Variants in PLEKHH2 observed in about 807,000 individuals in gnomAD.
PLEKHH2 encodes the protein pleckstrin homology domain-containing family H member 2.
Under a neutral mutation model 187.9 loss-of-function variants are expected in PLEKHH2, and 129 were observed. The observed-to-expected ratio is 0.69, with a 90% CI of 0.59 to 0.79. The LOEUF is 0.79. PLEKHH2 is among the 30% of genes least tolerant of loss of function. The pLI, the probability that PLEKHH2 is intolerant of heterozygous loss-of-function variation, is 0.00. For missense variants in PLEKHH2, 2,076 were observed against 1,751.2 expected (o/e 1.19, Z -3.31); for synonymous variants, 686 against 605.6 (o/e 1.13, Z -1.95).
At chr2:43,643,244 G>C (rs942642724) in intron 1 of PLEKHH2, among the ~76,000 whole-genome samples, 1 of 152,064 alleles carries the variant, frequency 6.6e-6, no homozygotes, top group Non-Finnish European at 1.5e-5. Flanking sequence ...AATGGGGCAA[G>C]GATTCTATGA....
intron 2 of PLEKHH2, among the ~76,000 whole-genome samples, chr2:43,672,445 A>G (rs1667538114): frequency 6.6e-6 from 1 of 151,998 alleles, no homozygotes. Flanking sequence ...GCTCTTCCTA[A>G]TGACTTTAAT....
chr2:43,702,305 G>T (rs938253216), intron 8 of PLEKHH2, among the ~76,000 whole-genome samples: 1 of 152,028 alleles, frequency 6.6e-6, no homozygotes, highest in African/African-American at 2.4e-5. Flanking sequence ...CTTTCAAGAG[G>T]ACATTTTATT....
intron 25 of PLEKHH2, among the ~76,000 whole-genome samples, chr2:43,756,417 C>G (rs1041211866): frequency 1.3e-5 from 2 of 152,084 alleles, no homozygotes; most frequent in African/African-American, 4.8e-5. Context: ...CTCAGCCTCC[C>G]GAGTAGCTGG....
intron 13 of PLEKHH2, 64 bp from the exon 14 acceptor site, chr2:43,710,425 A>G (rs1268326851): frequency 8.9e-6 from 14 of 1,580,370 alleles, no homozygotes; most frequent in Non-Finnish European, 1.2e-5. Flanking sequence ...GTAATGATAC[A>G]AAGCATTCCT....
chr2:43,670,018 C>G (rs1433126671), intron 2 of PLEKHH2, among the ~76,000 whole-genome samples: 1 of 152,090 alleles, frequency 6.6e-6, no homozygotes. Flanking sequence ...CAAAATATTG[C>G]ATATTGAAAT....
chr2:43,669,694 G>T (rs1327672768), intron 2 of PLEKHH2, among the ~76,000 whole-genome samples: 1 of 151,578 alleles, frequency 6.6e-6, no homozygotes, highest in East Asian at 1.9e-4. Context: ...GAGAAATGAA[G>T]GTGAAAAGGA....
intron 2 of PLEKHH2, among the ~76,000 whole-genome samples, chr2:43,651,302 T>C (rs1666460574): frequency 1.3e-5 from 2 of 151,924 alleles, no homozygotes; most frequent in South Asian, 2.1e-4. Flanking sequence ...CTCCTGACCT[T>C]GTGATCCACC....
Position 43,699,208 on chromosome 2 carries a change from T to A in PLEKHH2, c.689-439T>A, listed in dbSNP as rs1485379639. On this transcript the variant is annotated intron_variant, in intron 7 of 29. Coordinates refer to ENST00000282406, the MANE Select transcript of PLEKHH2 (RefSeq NM_172069.4). ...TTATTATCTCTCTTTAGACTCTCAG[T>A]TTTTTTTTTCCCAACATGTTTTTTT... Among the ~76,000 whole-genome samples the A allele has an allele frequency of 1.1e-4, 3 of 27,868 alleles. No individual in the cohort carries two copies. The African/African-American group carries it at 1.5e-3, about 14-fold the overall frequency. The allele number at this position is 27,868 out of a possible 152,430, so 18.3% of individuals were successfully genotyped here.
chr2:43,657,766 C>G (rs1197064697), intron 2 of PLEKHH2, among the ~76,000 whole-genome samples: 1 of 152,180 alleles, frequency 6.6e-6, no homozygotes, highest in African/African-American at 2.4e-5. Context: ...GTGGACCTAC[C>G]TCTGCAGAAG....
chr2:43,676,329 G>C, intron 2 of PLEKHH2: 1 of 1,596,476 alleles, frequency 6.3e-7, no homozygotes, highest in Non-Finnish European at 8.5e-7. Flanking sequence ...CCATTTTCCA[G>C]GCGTTAGGAC....
chr2:43,676,702 C>T (rs1029816406), intron 2 of PLEKHH2, among the ~76,000 whole-genome samples: 3 of 152,082 alleles, frequency 2.0e-5, no homozygotes, highest in South Asian at 4.1e-4. Flanking sequence ...ACAACACATC[C>T]CGTATGTTGA....
chr2:43,714,899 C>T (rs924081619), intron 15 of PLEKHH2, among the ~76,000 whole-genome samples: 13 of 152,046 alleles, frequency 8.6e-5, no homozygotes, highest in Non-Finnish European at 1.3e-4. Flanking sequence ...TTACCTGTGC[C>T]GAGTCTTCAA....
rs188587400 is a variant in PLEKHH2, at chr2:43,734,523, G to A, written c.2943+2921G>A. Among the ~76,000 whole-genome samples, 168 of 152,248 alleles carry A rather than the reference G, an allele frequency of 1.1e-3. 2 individuals carry two copies. The highest frequency in any genetic ancestry group is 3.8e-3 in the African/African-American group (158 of 41,550). Reference sequence around the variant, plus strand: ...AATGCTAAGCATCGCTAATCATCAGGGAAATGCAAATCAGCATCGTAATGA... The same window carrying A: ...AATGCTAAGCATCGCTAATCATCAGAGAAATGCAAATCAGCATCGTAATGA... On this transcript the variant is annotated intron_variant, in intron 19 of 29. Transcript: ENST00000282406.
chr2:43,713,660 GTTT>G (rs71410202), intron 15 of PLEKHH2, among the ~76,000 whole-genome samples: 9 of 133,988 alleles, frequency 6.7e-5, no homozygotes, highest in African/African-American at 8.2e-5. Flanking sequence ...GCTTAATTCT[GTTT>G]TTTTTTTTTT....
intron 2 of PLEKHH2, among the ~76,000 whole-genome samples, chr2:43,671,049 T>A (rs183779855): frequency 6.6e-6 from 1 of 152,048 alleles, no homozygotes; most frequent in East Asian, 1.9e-4. Flanking sequence ...TGATGCGTAA[T>A]CTCGGCTCAC....
intron 19 of PLEKHH2, among the ~76,000 whole-genome samples, chr2:43,738,123 A>G (rs545467414): frequency 1.3e-5 from 2 of 152,202 alleles, no homozygotes; most frequent in African/African-American, 2.4e-5. Context: ...TCATTATAAA[A>G]TGACCCTCTT....
intron 2 of PLEKHH2, among the ~76,000 whole-genome samples, chr2:43,653,571 C>A (rs1038821754): frequency 3.3e-5 from 5 of 152,172 alleles, no homozygotes; most frequent in African/African-American, 1.2e-4. Context: ...ACGAGGAAGG[C>A]ATGGGATATA....
At position 43,700,679 on chromosome 2, in the gene PLEKHH2, G is replaced by C. The variant is rs962030265; in HGVS notation, c.1650+71G>C. ...CAACACTTTTTTTTTCTGGGAGGGAGTCTCGCTCTGTCGCCCAAGCTGGAG... is the reference window on the plus strand; with the variant it reads ...CAACACTTTTTTTTTCTGGGAGGGACTCTCGCTCTGTCGCCCAAGCTGGAG... On this transcript the variant is annotated intron_variant, in intron 8 of 29. Transcript: ENST00000282406. 1.0e-5 allele frequency: 15 copies of C among 1,503,044 alleles called. 1 individual carries two copies. Among genetic ancestry groups the C allele is most frequent in the African/African-American group, 1.4e-5 (1 of 71,934 alleles). 93.1% of individuals were successfully genotyped at this position (1,503,044 alleles called of 1,614,324 possible).
chr2:43,754,869 C>T (rs1572665621), intron 25 of PLEKHH2, among the ~76,000 whole-genome samples: 6 of 108,744 alleles, frequency 5.5e-5, no homozygotes, highest in African/African-American at 7.6e-5. Context: ...TTAAAATCAA[C>T]TTTTTTTTTT....
Sources: allele counts gnomAD v4.1 joint callset (sites outside exome capture counted in the v4.1 genomes callset), GRCh38; gene constraint gnomAD v4.1.1; transcripts MANE v1.5; gene names NCBI Gene and HGNC (gene_info 2026-07-23, HGNC 2026-07-21).